ADK: variants seen among roughly 807,000 people sequenced by gnomAD.
ADK encodes N6,N6-dimethyladenosine kinase.
ADK carries 24 observed loss-of-function variants against 44.7 expected under a neutral mutation model. The observed-to-expected ratio is 0.54, with a 90% CI of 0.39 to 0.76. The LOEUF (loss-of-function observed/expected upper bound fraction) is 0.76, where lower values mean the gene tolerates loss of function less well. Among genes scored for constraint, ADK ranks in the 30% least tolerant of loss-of-function variants. The pLI, the probability that ADK is intolerant of heterozygous loss-of-function variation, is 0.00. For synonymous variants in ADK, 128 were observed against 142.6 expected (o/e 0.90, Z 0.73); for missense variants, 321 against 425.1 (o/e 0.76, Z 2.15).
intron 2 of ADK, among the ~76,000 whole-genome samples, chr10:74,222,605 C>G (rs1844357933): frequency 6.6e-6 from 1 of 152,064 alleles, no homozygotes; most frequent in Non-Finnish European, 1.5e-5. Context: ...AGACTTGGAA[C>G]CAACCCAAAT....
chr10:74,421,807 C>T (rs1007856072), intron 6 of ADK, among the ~76,000 whole-genome samples: 5 of 152,018 alleles, frequency 3.3e-5, no homozygotes, highest in Admixed American at 2.6e-4. Flanking sequence ...GAAAGAACTC[C>T]GAGTGGCCGT....
chr10:74,579,758 T>G (rs960314538), intron 7 of ADK, among the ~76,000 whole-genome samples: 7 of 152,080 alleles, frequency 4.6e-5, no homozygotes, highest in African/African-American at 1.7e-4. Context: ...AGGGCTCCCC[T>G]TGATTTTTAA....
At chr10:74,699,996 G>C (rs565315911) in intron 10 of ADK, among the ~76,000 whole-genome samples, 1 of 152,164 alleles carries the variant, frequency 6.6e-6, no homozygotes, top group South Asian at 2.1e-4. Context: ...TATGCATATA[G>C]TTACTCATTA....
chr10:74,316,255 A>G (rs1212264598), intron 4 of ADK, among the ~76,000 whole-genome samples: 3 of 150,870 alleles, frequency 2.0e-5, no homozygotes, highest in Non-Finnish European at 4.4e-5. Context: ...AAAAAAAGAG[A>G]GAAAAAAAGG....
At chr10:74,676,615 T>C (rs1194048237) in intron 10 of ADK, among the ~76,000 whole-genome samples, 1 of 152,112 alleles carries the variant, frequency 6.6e-6, no homozygotes, top group Admixed American at 6.6e-5. Flanking sequence ...TAGCTGGGAC[T>C]ACAGGGTTTT....
chr10:74,462,439 T>G (rs916744989), intron 6 of ADK, among the ~76,000 whole-genome samples: 3 of 152,116 alleles, frequency 2.0e-5, no homozygotes, highest in Non-Finnish European at 2.9e-5. Context: ...TTTGAAATAT[T>G]TGTGTGTATA....
chr10:74,269,120 A>T (rs1846328748), intron 3 of ADK, among the ~76,000 whole-genome samples: 1 of 152,152 alleles, frequency 6.6e-6, no homozygotes, highest in Non-Finnish European at 1.5e-5. Flanking sequence ...TTTATTAGAA[A>T]ATATTGCTTG....
intron 3 of ADK, among the ~76,000 whole-genome samples, chr10:74,236,236 A>G (rs182757511): frequency 6.6e-6 from 1 of 152,206 alleles, no homozygotes; most frequent in Non-Finnish European, 1.5e-5. Flanking sequence ...AAATGAGCGA[A>G]CTGATTTCAA....
At chr10:74,597,751 A>G (rs904969943) in intron 8 of ADK, among the ~76,000 whole-genome samples, 34 of 152,264 alleles carry the variant, frequency 2.2e-4, no homozygotes, top group African/African-American at 7.9e-4. Context: ...CTTTATCACT[A>G]GGTTTAGGTG....
chr10:74,321,417 G>A (rs746482891), intron 4 of ADK, among the ~76,000 whole-genome samples: 3 of 151,754 alleles, frequency 2.0e-5, no homozygotes, highest in Non-Finnish European at 4.4e-5. Context: ...CTGAGTAGTT[G>A]GGACTATAGG....
intron 3 of ADK, among the ~76,000 whole-genome samples, chr10:74,292,618 G>A (rs1157189000): frequency 2.0e-5 from 3 of 152,072 alleles, no homozygotes; most frequent in Non-Finnish European, 4.4e-5. Context: ...TTCACTTGAT[G>A]GCAGTTTTAT....
At chr10:74,623,040 C>T (rs551937295) in intron 9 of ADK, among the ~76,000 whole-genome samples, 2 of 152,052 alleles carry the variant, frequency 1.3e-5, no homozygotes, top group African/African-American at 4.8e-5. Context: ...AAAAAGAACC[C>T]GGCTTCTTGA....
intron 4 of ADK, among the ~76,000 whole-genome samples, chr10:74,328,539 C>A (rs908546961): frequency 1.4e-4 from 22 of 152,086 alleles, no homozygotes; most frequent in Non-Finnish European, 4.4e-5. Flanking sequence ...CCCATAATCC[C>A]CACATGTTGA....
chr10:74,429,242 A>G (rs1304661326), intron 6 of ADK, among the ~76,000 whole-genome samples: 1 of 152,232 alleles, frequency 6.6e-6, no homozygotes, highest in Non-Finnish European at 1.5e-5. Context: ...ATATTATTCA[A>G]ACTATTCAGT....
intron 6 of ADK, among the ~76,000 whole-genome samples, chr10:74,416,008 TTATA>T (rs1289685904): frequency 7.0e-6 from 1 of 142,306 alleles, no homozygotes; most frequent in Admixed American, 7.4e-5. Flanking sequence ...ATACATACAT[TTATA>T]TATACACACA....
At chr10:74,226,307 A>G (rs1844538240) in intron 3 of ADK, among the ~76,000 whole-genome samples, 1 of 152,102 alleles carries the variant, frequency 6.6e-6, no homozygotes, top group Non-Finnish European at 1.5e-5. Flanking sequence ...GGGTTTCGCC[A>G]TGTTGGCCAG....
intron 1 of ADK, among the ~76,000 whole-genome samples, chr10:74,193,576 A>G (rs553201948): frequency 2.6e-5 from 4 of 152,258 alleles, no homozygotes; most frequent in Non-Finnish European, 5.9e-5. Flanking sequence ...CTTGAGCCCA[A>G]GAGTTTGAGA....
intron 6 of ADK, among the ~76,000 whole-genome samples, chr10:74,500,573 A>T (rs1260676947): frequency 6.6e-6 from 1 of 152,232 alleles, no homozygotes; most frequent in Non-Finnish European, 1.5e-5. Context: ...CTACTATCCT[A>T]TGTGAGTATT....
intron 1 of ADK, among the ~76,000 whole-genome samples, chr10:74,161,729 G>C (rs184294072): frequency 6.6e-6 from 1 of 151,090 alleles, no homozygotes; most frequent in African/African-American, 2.4e-5. Flanking sequence ...TTGAGATGAG[G>C]GGGTCTTGCT....
Sources: gnomAD v4.1 joint callset for allele counts (sites outside exome capture counted in the v4.1 genomes callset) on GRCh38, gnomAD v4.1.1 for gene constraint, MANE v1.5 for transcripts, NCBI Gene and HGNC (gene_info 2026-07-23, HGNC 2026-07-21) for gene names.